SMARCAD1: variants seen among roughly 807,000 people sequenced by gnomAD.
SMARCAD1 encodes the protein SWI/SNF-related matrix-associated actin-dependent regulator of chromatin subfamily A containing DEAD/H box 1.
Under a neutral mutation model 127.1 loss-of-function variants are expected in SMARCAD1, and 25 were observed. That is an observed-to-expected ratio of 0.20 (90% CI 0.14 to 0.27). The LOEUF is 0.27. Among genes scored for constraint, SMARCAD1 ranks in the 10% least tolerant of loss-of-function variants. SMARCAD1 has a pLI of 1.00. For missense variants in SMARCAD1, 807 were observed against 1,206.0 expected (o/e 0.67, Z 4.90); for synonymous variants, 400 against 396.9 (o/e 1.01, Z -0.09).
intron 10 of SMARCAD1, among the ~76,000 whole-genome samples, chr4:94,267,373 T>TA (rs1751885457): frequency 6.6e-6 from 1 of 152,186 alleles, no homozygotes; most frequent in African/African-American, 2.4e-5. Flanking sequence ...ATGTCATACT[T>TA]ACGGGACATA....
At chr4:94,286,786 TTGTC>T (rs1754997542) in intron 23 of SMARCAD1, among the ~76,000 whole-genome samples, 1 of 152,348 alleles carries the variant, frequency 6.6e-6, no homozygotes, top group African/African-American at 2.4e-5. Flanking sequence ...TTCACCTACA[TTGTC>T]TGTTAAAATA....
intron 21 of SMARCAD1, among the ~76,000 whole-genome samples, chr4:94,282,083 TGCAAA>T (rs1754116561): frequency 7.8e-6 from 1 of 129,000 alleles, no homozygotes; most frequent in Non-Finnish European, 1.6e-5. Flanking sequence ...CTGAATTACA[TGCAAA>T]TACGTTTTTT....
In SMARCAD1 at chr4:94,249,642, TC is replaced by T. The variant is rs1748975926; in HGVS notation, c.706-11del. The T allele has an allele frequency of 2.9e-6, 4 of 1,374,100 alleles. No homozygotes were observed. The highest frequency in any genetic ancestry group is 4.2e-6 in the Non-Finnish European group (4 of 962,292). 85.1% of individuals were successfully genotyped at this position (1,374,100 alleles called of 1,614,324 possible). ...CTCTTAAATTGTTTTCTTTTTTTTT[TC>T]TCCCCATTAGGGAGAGGAATCAAAT... On this transcript the variant is annotated splice_polypyrimidine_tract_variant and intron_variant, in intron 6 of 23. Transcript: ENST00000354268.
intron 22 of SMARCAD1, among the ~76,000 whole-genome samples, chr4:94,284,165 CAA>C (rs70946519): frequency 1.4e-5 from 2 of 139,232 alleles, no homozygotes; most frequent in Non-Finnish European, 3.1e-5. Flanking sequence ...ACTAAAAATA[CAA>C]AAAAAAAAAA....
chr4:94,288,213 T>C (rs1426081974), intron 23 of SMARCAD1, among the ~76,000 whole-genome samples: 1 of 152,162 alleles, frequency 6.6e-6, no homozygotes, highest in Non-Finnish European at 1.5e-5. Flanking sequence ...ACAGTAATTT[T>C]CAGACATTAT....
rs1368424310 is a variant in SMARCAD1 at position 94,253,205 on chromosome 4, T to C, written c.1281+198T>C. ...ACCTAATTTTGAATGAATTAAGGGGTGATTTTCCTGAAAAAACCCAAGCTG... is the reference window on the plus strand; with the variant it reads ...ACCTAATTTTGAATGAATTAAGGGGCGATTTTCCTGAAAAAACCCAAGCTG... On this transcript the variant is annotated intron_variant, in intron 9 of 23. Coordinates refer to ENST00000354268, the MANE Select transcript of SMARCAD1 (RefSeq NM_020159.5). 22 of 1,499,700 alleles carry C rather than the reference T, an allele frequency of 1.5e-5. No homozygotes were observed. In the South Asian group the frequency reaches 1.8e-4, roughly 12 times the overall value. 92.9% of individuals were successfully genotyped at this position (1,499,700 alleles called of 1,614,324 possible). A position where few individuals can be genotyped will look rare whatever the true frequency, so the allele number is the denominator to read the frequency against.
At chr4:94,241,575 A>C (rs1362741555) in intron 6 of SMARCAD1, among the ~76,000 whole-genome samples, 1 of 152,198 alleles carries the variant, frequency 6.6e-6, no homozygotes, top group South Asian at 2.1e-4. Context: ...AACCCATAAT[A>C]GTGGTGTTTC....
chr4:94,221,445 G>GA (rs1289051553), intron 2 of SMARCAD1, among the ~76,000 whole-genome samples: 3 of 152,030 alleles, frequency 2.0e-5, no homozygotes, highest in Admixed American at 6.6e-5. Context: ...TAGTATCAAA[G>GA]AAAAATATTC....
chr4:94,241,500 C>T (rs1280709172), intron 6 of SMARCAD1, among the ~76,000 whole-genome samples: 1 of 152,088 alleles, frequency 6.6e-6, no homozygotes. Context: ...GACCCTGTCT[C>T]CAATAAGGTC....
chr4:94,239,942 T>G (rs1747324603), intron 5 of SMARCAD1, among the ~76,000 whole-genome samples: 1 of 152,164 alleles, frequency 6.6e-6, no homozygotes, highest in African/African-American at 2.4e-5. Flanking sequence ...GGTTTGAAGG[T>G]TTTTTTCAGA....
intron 2 of SMARCAD1, among the ~76,000 whole-genome samples, chr4:94,215,043 T>TTAGTATTCTGTATTCCATTTAA (rs1366267916): frequency 6.6e-6 from 1 of 152,180 alleles, no homozygotes; most frequent in Non-Finnish European, 1.5e-5. Flanking sequence ...TCTGTATTCC[T>TTAGTATTCTGTATTCCATTTAA]TGCCCACATT....
At chr4:94,208,674 C>A in intron 2 of SMARCAD1, 90 bp downstream of exon 2, 1 of 1,239,226 alleles carries the variant, frequency 8.1e-7, no homozygotes, top group Non-Finnish European at 1.2e-6. Context: ...TTCTTGATGT[C>A]ATATATATTG....
chr4:94,264,573 CTCTTAGTAG>C (rs1751466448), intron 9 of SMARCAD1, 125 bp from the exon 10 acceptor site: 1 of 651,848 alleles, frequency 1.5e-6, no homozygotes, highest in Non-Finnish European at 2.6e-6. Flanking sequence ...GAATCAGGTT[CTCTTAGTAG>C]TTGACTATAA....
chr4:94,242,187 C>T (rs1236922041), intron 6 of SMARCAD1, among the ~76,000 whole-genome samples: 1 of 151,312 alleles, frequency 6.6e-6, no homozygotes, highest in East Asian at 1.9e-4. Context: ...GAGTGCAGCA[C>T]CACGCCCAGC....
Position 94,289,703 on chromosome 4 carries a change from A to G in SMARCAD1, c.*169A>G. 1 of 721,492 alleles carries G rather than the reference A, an allele frequency of 1.4e-6. No homozygotes were observed. The highest frequency in any genetic ancestry group is 2.6e-6 in the Non-Finnish European group (1 of 391,870). 44.7% of individuals were successfully genotyped at this position (721,492 alleles called of 1,614,324 possible). A position where few individuals can be genotyped will look rare whatever the true frequency, so the allele number is the denominator to read the frequency against. On this transcript the variant is annotated 3_prime_UTR_variant, in exon 24 of 24. Coordinates refer to ENST00000354268, the MANE Select transcript of SMARCAD1 (RefSeq NM_020159.5). ...TTTTGCCACTAACTGAATTCTCCAA[A>G]TACTCACACGTGAAATTTCAAAAAA...
At chr4:94,286,143 C>T (rs187785124) in intron 23 of SMARCAD1, among the ~76,000 whole-genome samples, 234 of 152,178 alleles carry the variant, frequency 1.5e-3, no homozygotes, top group Non-Finnish European at 2.4e-3. Context: ...AATTTTTCAA[C>T]CTCCTGTGAA....
chr4:94,268,498 T>C lies in SMARCAD1; in HGVS notation c.1482-2230T>C, dbSNP rs1313032440. On this transcript the variant is annotated intron_variant, in intron 10 of 23. Coordinates refer to ENST00000354268, the MANE Select transcript of SMARCAD1 (RefSeq NM_020159.5). ...CATTAGTCGTAAATTGTGAGCCTTATGTGAATAGGATGACTAAAGAATTGG... is the reference window on the plus strand; with the variant it reads ...CATTAGTCGTAAATTGTGAGCCTTACGTGAATAGGATGACTAAAGAATTGG... Among the ~76,000 whole-genome samples, 7 of 152,346 alleles carry C rather than the reference T, an allele frequency of 4.6e-5. No individual in the cohort carries two copies. In the South Asian group the frequency reaches 1.2e-3, roughly 27 times the overall value.
chr4:94,280,086 A>G (rs1160378600), intron 19 of SMARCAD1, among the ~76,000 whole-genome samples: 1 of 152,120 alleles, frequency 6.6e-6, no homozygotes, highest in Admixed American at 6.5e-5. Flanking sequence ...GCTGGTCTCG[A>G]ACTCCTGACC....
intron 23 of SMARCAD1, among the ~76,000 whole-genome samples, chr4:94,287,888 C>T (rs905340853): frequency 3.3e-5 from 5 of 151,946 alleles, no homozygotes; most frequent in African/African-American, 1.2e-4. Context: ...GCGTGTGGTT[C>T]ATGCTTATAA....
Sources: gnomAD v4.1 joint callset for allele counts (sites outside exome capture counted in the v4.1 genomes callset) on GRCh38, gnomAD v4.1.1 for gene constraint, MANE v1.5 for transcripts, NCBI Gene and HGNC (gene_info 2026-07-23, HGNC 2026-07-21) for gene names.